The following SLC20A2 variants were observed in gnomAD, a reference collection of about 807,000 sequenced individuals.
SLC20A2 encodes the protein solute carrier family 20 member 2.
Under a neutral mutation model 61.0 loss-of-function variants are expected in SLC20A2, and 30 were observed. The observed-to-expected ratio is 0.49, with a 90% CI of 0.37 to 0.67. The LOEUF is 0.67. SLC20A2 is among the 30% of genes least tolerant of loss of function. The pLI is 0.00. For synonymous variants in SLC20A2, 351 were observed against 353.3 expected, an observed-to-expected ratio of 0.99 and a Z score of 0.07; for missense variants, 626 against 866.4, an observed-to-expected ratio of 0.72 and a Z score of 3.48.
intron 10 of SLC20A2, among the ~76,000 whole-genome samples, chr8:42,421,334 TCA>T (rs1212993733): frequency 3.9e-5 from 6 of 152,198 alleles, no homozygotes; most frequent in Non-Finnish European, 5.9e-5. Flanking sequence ...CTGATGACAC[TCA>T]CAGTGCTTAT....
chr8:42,418,781 G>A (rs985707906), intron 10 of SLC20A2, among the ~76,000 whole-genome samples: 12 of 151,618 alleles, frequency 7.9e-5, no homozygotes, highest in South Asian at 4.2e-4. Context: ...GGCGGATCAC[G>A]AGGTCAGGAG....
chr8:42,450,019 C>G (rs1805517816), intron 5 of SLC20A2, among the ~76,000 whole-genome samples: 1 of 152,152 alleles, frequency 6.6e-6, no homozygotes, highest in African/African-American at 2.4e-5. Flanking sequence ...CTTTGTAGAA[C>G]TGCTCTAATA....
At chr8:42,418,029 G>T in intron 10 of SLC20A2, 62 bp from the exon 11 acceptor site, 2 of 1,388,382 alleles carry the variant, frequency 1.4e-6, no homozygotes, top group Non-Finnish European at 2.0e-6. Context: ...CTCTACCAAT[G>T]TACATGGGCT....
chr8:42,436,299 G>T (rs1339683969), intron 8 of SLC20A2, among the ~76,000 whole-genome samples: 1 of 151,878 alleles, frequency 6.6e-6, no homozygotes, highest in Non-Finnish European at 1.5e-5. Context: ...GGGCGTACAC[G>T]GCCGCTGCCT....
chr8:42,465,381 A>C (rs1490370655), intron 3 of SLC20A2, among the ~76,000 whole-genome samples: 1 of 151,678 alleles, frequency 6.6e-6, no homozygotes, highest in Non-Finnish European at 1.5e-5. Flanking sequence ...AAACCTTAAC[A>C]TTTGAAGAAA....
chr8:42,451,164 G>A (rs1368317237), intron 5 of SLC20A2, among the ~76,000 whole-genome samples: 2 of 151,198 alleles, frequency 1.3e-5, no homozygotes, highest in African/African-American at 4.9e-5. Flanking sequence ...AGGAAGAGGT[G>A]GAAGAAGAGA....
chr8:42,454,983 T>C (rs1274730100), intron 5 of SLC20A2, among the ~76,000 whole-genome samples: 1 of 151,636 alleles, frequency 6.6e-6, no homozygotes, highest in Non-Finnish European at 1.5e-5. Context: ...CCCAGCACTT[T>C]GGGAGGCCGA....
At chr8:42,452,847 C>A (rs117534922) in intron 5 of SLC20A2, among the ~76,000 whole-genome samples, 3,553 of 152,148 alleles carry the variant, frequency 0.023, 48 homozygotes, top group African/African-American at 0.039. Context: ...CTGGTGGAAA[C>A]GAGTGAGCAA....
At chr8:42,513,165 C>A (rs1811122648) in intron 1 of SLC20A2, among the ~76,000 whole-genome samples, 1 of 152,102 alleles carries the variant, frequency 6.6e-6, no homozygotes, top group African/African-American at 2.4e-5. Context: ...TTAAAAATAG[C>A]CAAGAGAAGG....
rs771179973 is a variant in SLC20A2, at chr8:42,417,709, G to A, written c.*94C>T. The A allele has an allele frequency of 3.1e-5, 43 of 1,377,260 alleles. No homozygotes were observed. Among genetic ancestry groups the A allele is most frequent in the Middle Eastern group, 1.9e-4 (1 of 5,376 alleles). The allele number at this position is 1,377,260 out of a possible 1,614,324, so 85.3% of individuals were successfully genotyped here. A position where few individuals can be genotyped will look rare whatever the true frequency, so the allele number is the denominator to read the frequency against. ...AGCTGGTCATGAGAGAGCCGTGCACGGCCAGGATGTGTATGTGCGGCACGA... is the reference window on the plus strand; with the variant it reads ...AGCTGGTCATGAGAGAGCCGTGCACAGCCAGGATGTGTATGTGCGGCACGA... On this transcript the variant is annotated 3_prime_UTR_variant, in exon 11 of 11. Coordinates refer to ENST00000520262, the MANE Select transcript of SLC20A2 (RefSeq NM_001257180.2).
chr8:42,422,075 T>C (rs1156973361), intron 10 of SLC20A2, among the ~76,000 whole-genome samples: 1 of 152,024 alleles, frequency 6.6e-6, no homozygotes, highest in Non-Finnish European at 1.5e-5. Flanking sequence ...TGTTTTGAGA[T>C]AGAGTCTTGC....
At chr8:42,514,615 G>A (rs1437547658) in intron 1 of SLC20A2, among the ~76,000 whole-genome samples, 3 of 151,904 alleles carry the variant, frequency 2.0e-5, no homozygotes, top group East Asian at 1.9e-4. Context: ...AAAACTACCC[G>A]GACATGGTGG....
In SLC20A2 at chr8:42,434,671, C is replaced by T. The variant is rs922996220; in HGVS notation, c.1523+2318G>A. On this transcript the variant is annotated intron_variant, in intron 8 of 10. Transcript: ENST00000520262. ...GCAGCTCAGTGCTGAGGCCTCGGGG[C>T]TCAACCTCGTGCTGAATGCATGGAC... Among the ~76,000 whole-genome samples, 5 of 152,166 alleles carry T rather than the reference C, an allele frequency of 3.3e-5. No homozygotes were observed. The East Asian group carries it at 5.8e-4, about 18-fold the overall frequency.
At chr8:42,471,334 G>C in intron 2 of SLC20A2, 1 of 417,426 alleles carries the variant, frequency 2.4e-6, no homozygotes, top group South Asian at 1.8e-5. Flanking sequence ...TTAGGCCATG[G>C]GGACATCACT....
chr8:42,506,615 G>A (rs574748234), intron 1 of SLC20A2, among the ~76,000 whole-genome samples: 14 of 152,314 alleles, frequency 9.2e-5, no homozygotes, highest in South Asian at 4.1e-4. Flanking sequence ...TCAAATGGTC[G>A]TTAAGTATTT....
rs753094464 is a variant in SLC20A2, at chr8:42,472,282, C to T, written c.109G>A (p.Val37Met). 3 of 1,614,140 alleles carry T rather than the reference C, an allele frequency of 1.9e-6. No individual in the cohort carries two copies. Among genetic ancestry groups the T allele is most frequent in the South Asian group, 2.2e-5 (2 of 91,074 alleles). ...CTCAAGGTCACCACACCAGAGCCCACGGCTGTACCAAAGGAGTTGGCAACA... is the reference window on the plus strand; with the variant it reads ...CTCAAGGTCACCACACCAGAGCCCATGGCTGTACCAAAGGAGTTGGCAACA... ...NDVANSFGTA[V>M]GSGVVTLRQA... The change falls in exon 2 of 11, where the codon GTG becomes ATG. Residue 37 changes from valine to methionine, a missense_variant. By Grantham distance (21) the Val-to-Met change is conservative. This residue lies in a region of SLC20A2 where 127 missense variants were observed against 215.4 expected (regional missense o/e 0.59). Transcript: ENST00000520262. The surrounding 1 kb of genome is among the most constrained non-coding windows in gnomAD (Gnocchi z 4.1).
At chr8:42,482,782 T>C (rs769856130) in intron 1 of SLC20A2, among the ~76,000 whole-genome samples, 14 of 152,000 alleles carry the variant, frequency 9.2e-5, no homozygotes, top group Non-Finnish European at 1.3e-4. Context: ...TCCCAGCACT[T>C]TGGGAGCCCA....
intron 1 of SLC20A2, among the ~76,000 whole-genome samples, chr8:42,492,628 G>A (rs1042011011): frequency 1.3e-5 from 2 of 152,036 alleles, no homozygotes; most frequent in Non-Finnish European, 2.9e-5. Flanking sequence ...TAAACCAAAG[G>A]CTAGGCCAAA....
rs369823081 is a variant in SLC20A2, at chr8:42,439,597, C to A, written c.787G>T (p.Val263Phe). ...SRVSDESLSKVQEAESPVFKE... is the reference protein window; with the variant it reads ...SRVSDESLSKFQEAESPVFKE... ...AATACTGGGGACTCTGCTTCCTGAA[C>A]CTTACTGAGGCTTTCGTCAGATACT... Residue 263 changes from valine (V) to phenylalanine (F), a missense_variant, in exon 7 of 11, where the codon GTT becomes TTT. By Grantham distance (50) the Val-to-Phe change is conservative. This residue lies in a region of SLC20A2 where 361 missense variants were observed against 422.3 expected (regional missense o/e 0.85). Coordinates refer to ENST00000520262, the MANE Select transcript of SLC20A2 (RefSeq NM_001257180.2). 1.7e-5 allele frequency: 28 copies of A among 1,614,106 alleles called. No homozygotes were observed. Among genetic ancestry groups the A allele is most frequent in the Non-Finnish European group, 2.3e-5 (27 of 1,180,056 alleles).
Sources: gnomAD v4.1 joint callset for allele counts (sites outside exome capture counted in the v4.1 genomes callset) on GRCh38, gnomAD v4.1.1 for gene constraint, gnomAD v4.1.1 regional missense constraint, Gnocchi (gnomAD v3.1) non-coding constraint, MANE v1.5 for transcripts, NCBI Gene and HGNC (gene_info 2026-07-23, HGNC 2026-07-21) for gene names.